The following CACNA2D3 variants were observed in gnomAD, a reference collection of about 807,000 sequenced individuals.
CACNA2D3 encodes the protein voltage-dependent calcium channel subunit alpha-2/delta-3.
CACNA2D3 carries 60 observed loss-of-function variants against 160.6 expected under a neutral mutation model. That is an observed-to-expected ratio of 0.37 (90% CI 0.30 to 0.46). The LOEUF (loss-of-function observed/expected upper bound fraction) is 0.46, where lower values mean the gene tolerates loss of function less well. CACNA2D3 is among the 20% of genes least tolerant of loss of function. CACNA2D3 has a pLI of 1.00. For missense variants in CACNA2D3, 1,205 were observed against 1,365.0 expected, an observed-to-expected ratio of 0.88 and a Z score of 1.85; for synonymous variants, 558 against 492.9, an observed-to-expected ratio of 1.13 and a Z score of -1.75.
At chr3:54,759,469 C>T (rs1182961432) in intron 12 of CACNA2D3, among the ~76,000 whole-genome samples, 3 of 131,746 alleles carry the variant, frequency 2.3e-5, no homozygotes, top group African/African-American at 5.9e-5. Context: ...TATACTAAGA[C>T]ATTTAAAAAC....
chr3:54,793,272 C>A (rs1022322719), intron 13 of CACNA2D3, among the ~76,000 whole-genome samples: 1 of 152,222 alleles, frequency 6.6e-6, no homozygotes, highest in African/African-American at 2.4e-5. Context: ...CCCGATATCT[C>A]CTGTGAGAAG....
chr3:54,620,793 C>G (rs1698969059), intron 9 of CACNA2D3, among the ~76,000 whole-genome samples: 1 of 152,226 alleles, frequency 6.6e-6, no homozygotes, highest in Non-Finnish European at 1.5e-5. Context: ...TTGAAACCCA[C>G]TCTGCTGTCT....
At chr3:54,282,410 A>C (rs768605595) in intron 2 of CACNA2D3, among the ~76,000 whole-genome samples, 2 of 152,236 alleles carry the variant, frequency 1.3e-5, no homozygotes, top group African/African-American at 4.8e-5. Context: ...GCCAGCAACA[A>C]ACCATCAGGT....
At chr3:54,341,962 G>A (rs1250341716) in intron 3 of CACNA2D3, among the ~76,000 whole-genome samples, 1 of 151,898 alleles carries the variant, frequency 6.6e-6, no homozygotes, top group African/African-American at 2.4e-5. Context: ...TTTATTACAT[G>A]TACAAGTTTA....
intron 5 of CACNA2D3, among the ~76,000 whole-genome samples, chr3:54,549,565 G>A (rs1164829743): frequency 6.6e-6 from 1 of 152,134 alleles, no homozygotes; most frequent in Non-Finnish European, 1.5e-5. Context: ...CTGGGCCCAC[G>A]GAAGCCGTGA....
At chr3:54,638,438 G>A (rs960016761) in intron 10 of CACNA2D3, 9 of 152,114 alleles carry the variant, frequency 5.9e-5, no homozygotes, top group East Asian at 3.9e-4. Flanking sequence ...ACTGTAAGCC[G>A]GAGCAGGTGT....
intron 3 of CACNA2D3, among the ~76,000 whole-genome samples, chr3:54,328,391 C>T (rs903878755): frequency 1.3e-5 from 2 of 152,172 alleles, no homozygotes; most frequent in Non-Finnish European, 2.9e-5. Context: ...AAGCAACTCT[C>T]CTGCCTCAGC....
intron 10 of CACNA2D3, among the ~76,000 whole-genome samples, chr3:54,633,973 T>C (rs575309904): frequency 1.3e-5 from 2 of 152,188 alleles, no homozygotes; most frequent in African/African-American, 4.8e-5. Flanking sequence ...TTGGCTTTGC[T>C]GTGTCTCAGT....
rs1006449188 is a variant in CACNA2D3 at position 54,897,360 on chromosome 3, C to T, written c.2368+490C>T. 5.9e-5 allele frequency among the ~76,000 whole-genome samples: 9 copies of T among 152,010 alleles called. 1 individual carries two copies. The South Asian group carries it at 1.5e-3, about 25-fold the overall frequency. On this transcript the variant is annotated intron_variant, in intron 26 of 37. Coordinates refer to ENST00000474759, the MANE Select transcript of CACNA2D3 (RefSeq NM_018398.3). Reference sequence around the variant, plus strand: ...CAGTTACCAATGACAGGCATGTAGCCGATTAGTTTTTCAGTCCTAAGAGTT... The same window carrying T: ...CAGTTACCAATGACAGGCATGTAGCTGATTAGTTTTTCAGTCCTAAGAGTT...
intron 14 of CACNA2D3, among the ~76,000 whole-genome samples, chr3:54,834,627 A>G (rs1289183944): frequency 1.3e-5 from 2 of 152,252 alleles, no homozygotes; most frequent in Non-Finnish European, 2.9e-5. Flanking sequence ...AGTTGTTTAC[A>G]TATTCTTTCA....
At chr3:54,972,749 TG>T (rs2107078005) in intron 29 of CACNA2D3, among the ~76,000 whole-genome samples, 1 of 152,292 alleles carries the variant, frequency 6.6e-6, no homozygotes, top group Non-Finnish European at 1.5e-5. Flanking sequence ...CATCTTTGGT[TG>T]GCCCAGTCAG....
chr3:54,724,636 A>T (rs994033726), intron 11 of CACNA2D3, among the ~76,000 whole-genome samples: 6 of 152,224 alleles, frequency 3.9e-5, no homozygotes, highest in African/African-American at 1.4e-4. Context: ...CCACACAGCT[A>T]CATGGAAACT....
At chr3:54,886,513 G>A in intron 23 of CACNA2D3, among the ~76,000 whole-genome samples, 1 of 151,092 alleles carries the variant, frequency 6.6e-6, no homozygotes, top group East Asian at 1.9e-4. Flanking sequence ...ACTTACTCCA[G>A]GTGCTTTTTA....
intron 11 of CACNA2D3, among the ~76,000 whole-genome samples, chr3:54,662,101 A>C (rs759596958): frequency 3.9e-5 from 6 of 152,092 alleles, no homozygotes; most frequent in Non-Finnish European, 8.8e-5. Context: ...CTGGGTCACC[A>C]GTGGATGCCC....
chr3:54,941,986 A>T (rs550853689), intron 27 of CACNA2D3, among the ~76,000 whole-genome samples: 2 of 152,240 alleles, frequency 1.3e-5, no homozygotes, highest in Non-Finnish European at 2.9e-5. Context: ...TTATTTGAAA[A>T]TCATTCCATC....
At chr3:54,950,535 A>G (rs574637965) in intron 27 of CACNA2D3, among the ~76,000 whole-genome samples, 64 of 152,310 alleles carry the variant, frequency 4.2e-4, no homozygotes, top group Admixed American at 3.5e-3. Context: ...GCAGTTTGCA[A>G]TGCTTCCTCC....
chr3:54,871,745 C>T (rs1032862088), intron 18 of CACNA2D3, 123 bp downstream of exon 18: 4 of 694,536 alleles, frequency 5.8e-6, no homozygotes, highest in Middle Eastern at 3.6e-4. Context: ...ACCAGAGGGA[C>T]GTGGAGACAA....
At position 54,149,481 on chromosome 3, in the gene CACNA2D3, A is replaced by G. The variant is rs539999370; in HGVS notation, c.204+25887A>G. ...GGCAAACATTTGGTTGGGGACTTTC[A>G]GGATCCCTGAAAGTATTCGGAGTGA... On this transcript the variant is annotated intron_variant, in intron 2 of 37. Transcript: ENST00000474759. Among the ~76,000 whole-genome samples the G allele has an allele frequency of 1.4e-3, 217 of 152,270 alleles. 2 individuals are homozygous for G. The highest frequency in any genetic ancestry group is 4.9e-3 in the African/African-American group (205 of 41,566).
At chr3:54,294,690 C>T (rs929839054) in intron 2 of CACNA2D3, among the ~76,000 whole-genome samples, 3 of 152,168 alleles carry the variant, frequency 2.0e-5, no homozygotes, top group Admixed American at 6.5e-5. Context: ...AACTTTCTCT[C>T]CCTCACATCA....
Sources: gnomAD v4.1 joint callset for allele counts (sites outside exome capture counted in the v4.1 genomes callset) on GRCh38, gnomAD v4.1.1 for gene constraint, MANE v1.5 for transcripts, NCBI Gene and HGNC (gene_info 2026-07-23, HGNC 2026-07-21) for gene names.